ELAPOR2: variants seen among roughly 807,000 people sequenced by gnomAD.
ELAPOR2 encodes endosome/lysosome-associated apoptosis and autophagy regulator family member 2.
A neutral mutation model predicts 120.7 loss-of-function variants in ELAPOR2; 89 were observed. The observed-to-expected ratio is 0.74, with a 90% confidence interval of 0.62 to 0.88. The LOEUF is 0.88. Among genes scored for constraint, ELAPOR2 ranks in the 40% least tolerant of loss-of-function variants. ELAPOR2 has a pLI of 0.00. For missense variants in ELAPOR2, 1,134 were observed against 1,251.6 expected (o/e 0.91, Z 1.42); for synonymous variants, 444 against 444.9 (o/e 1.00, Z 0.03).
In ELAPOR2 at chr7:86,908,494, C is replaced by G; in HGVS notation, c.2409G>C (p.Met803Ile). 6.3e-7 allele frequency: 1 copy of G among 1,585,908 alleles called. No individual in the cohort carries two copies. Among genetic ancestry groups the G allele is most frequent in the Non-Finnish European group, 8.6e-7 (1 of 1,165,566 alleles). The change falls in exon 17 of 22, where the codon ATG becomes ATC. Residue 803 changes from methionine to isoleucine, a missense_variant. Around this residue, in one of 3 missense-constraint regions of ELAPOR2, gnomAD observed 831 missense variants for 867.6 expected, o/e 0.96. Coordinates refer to ENST00000450689, the MANE Select transcript of ELAPOR2 (RefSeq NM_001142749.3). The part of the protein sequence containing the change: ...TLKNINIKED[M>I]FPVPTSQIPD... Reference sequence around the variant, plus strand: ...GTATTTGGCTTGTTGGAACTGGGAACATATCTTCTTTTATATTAATATTTT... The same window carrying G: ...GTATTTGGCTTGTTGGAACTGGGAAGATATCTTCTTTTATATTAATATTTT...
intron 3 of ELAPOR2, among the ~76,000 whole-genome samples, chr7:86,945,838 T>C (rs1790976766): frequency 6.6e-6 from 1 of 152,042 alleles, no homozygotes; most frequent in African/African-American, 2.4e-5. Context: ...AACTTCTGCT[T>C]ATCAAAGGAC....
chr7:86,912,058 C>G lies in ELAPOR2; in HGVS notation c.2169+14G>C. 1 of 1,592,396 alleles carries G rather than the reference C, an allele frequency of 6.3e-7. No homozygotes were observed. On this transcript the variant is annotated intron_variant, in intron 15 of 21. Coordinates refer to ENST00000450689, the MANE Select transcript of ELAPOR2 (RefSeq NM_001142749.3). ...GAAATATAGGTCCATCTCACCTTGACAGCCAGAACTCACCTCATGCCCACA... is the reference window on the plus strand; with the variant it reads ...GAAATATAGGTCCATCTCACCTTGAGAGCCAGAACTCACCTCATGCCCACA...
At chr7:87,009,960 A>C (rs910307772) in intron 1 of ELAPOR2, among the ~76,000 whole-genome samples, 4 of 151,082 alleles carry the variant, frequency 2.6e-5, no homozygotes, top group African/African-American at 9.8e-5. Flanking sequence ...ACTACCTTTG[A>C]AGGTCTTTCC....
intron 3 of ELAPOR2, among the ~76,000 whole-genome samples, chr7:86,946,157 T>TCACACACACACA (rs1491424238): frequency 1.5e-3 from 164 of 110,602 alleles, no homozygotes; most frequent in African/African-American, 6.5e-3. Flanking sequence ...GGATACCATT[T>TCACACACACACA]CTCACACACA....
At chr7:87,017,383 G>A (rs907113053) in intron 1 of ELAPOR2, among the ~76,000 whole-genome samples, 4 of 152,148 alleles carry the variant, frequency 2.6e-5, no homozygotes, top group East Asian at 3.8e-4. Context: ...CCACACAGTG[G>A]AATTCTGTAC....
intron 1 of ELAPOR2, among the ~76,000 whole-genome samples, chr7:87,053,634 A>G (rs1795180477): frequency 6.6e-6 from 1 of 152,124 alleles, no homozygotes; most frequent in Non-Finnish European, 1.5e-5. Flanking sequence ...GTGCGTGCAA[A>G]ACACTTGTGG....
At chr7:86,905,709 T>C (rs551847813) in intron 18 of ELAPOR2, among the ~76,000 whole-genome samples, 146 of 152,304 alleles carry the variant, frequency 9.6e-4, no homozygotes, top group African/African-American at 3.4e-3. Flanking sequence ...CAGAATTGCC[T>C]TGTGGTTTTT....
At chr7:86,964,251 AC>A (rs2116479358) in intron 2 of ELAPOR2, among the ~76,000 whole-genome samples, 2 of 105,678 alleles carry the variant, frequency 1.9e-5, no homozygotes, top group African/African-American at 1.8e-4. Context: ...CACTAAATTA[AC>A]TAAATTAACG....
chr7:86,939,763 C>G (rs1348888181), intron 6 of ELAPOR2, among the ~76,000 whole-genome samples: 2 of 151,936 alleles, frequency 1.3e-5, no homozygotes, highest in East Asian at 3.9e-4. Flanking sequence ...TTACAGACAT[C>G]TAAAATTGTC....
Position 86,913,133 on chromosome 7 carries a change from C to G in ELAPOR2, c.1803G>C (p.Ala601=). The G allele has an allele frequency of 1.9e-6, 3 of 1,613,968 alleles. No individual in the cohort carries two copies. Among genetic ancestry groups the G allele is most frequent in the Non-Finnish European group, 2.5e-6 (3 of 1,179,980 alleles). ...CGAGGGCACAGGCACGGCATGAGGA[C>G]GCCACCCCATCAACTGCATTAGTGG... ...ITATNAVDGV[A]SSCRACALGS... is the part of the protein sequence containing the mutation. Residue 601 remains alanine (A), a synonymous_variant, in exon 14 of 22, where the codon GCG becomes GCC. Transcript: ENST00000450689.
At chr7:86,998,838 TA>T (rs1793213128) in intron 1 of ELAPOR2, among the ~76,000 whole-genome samples, 1 of 143,280 alleles carries the variant, frequency 7.0e-6, no homozygotes, top group Non-Finnish European at 1.5e-5. Flanking sequence ...TAGAATTCCA[TA>T]AATAGTTCCT....
intron 2 of ELAPOR2, among the ~76,000 whole-genome samples, chr7:86,964,417 TA>T (rs1156432468): frequency 6.6e-6 from 1 of 151,994 alleles, no homozygotes; most frequent in Non-Finnish European, 1.5e-5. Context: ...TAGGTTATAC[TA>T]AAAAAAATTA....
At chr7:86,996,920 T>C (rs1191389278) in intron 1 of ELAPOR2, among the ~76,000 whole-genome samples, 1 of 152,182 alleles carries the variant, frequency 6.6e-6, no homozygotes, top group African/African-American at 2.4e-5. Context: ...GAAGTTTTGA[T>C]TGACTAAATC....
chr7:86,913,197 C>G lies in ELAPOR2; in HGVS notation c.1739G>C (p.Arg580Pro). Residue 580 changes from arginine to proline, a missense_variant, in exon 14 of 22, where the codon CGG (arginine) becomes CCG (proline). This residue lies in a region of ELAPOR2 where 831 missense variants were observed against 867.6 expected (regional missense o/e 0.96). Coordinates refer to ENST00000450689, the MANE Select transcript of ELAPOR2 (RefSeq NM_001142749.3). The part of the protein sequence containing the change: ...QRTNQGQDNR[R>P]FINDMVKIYS... Reference sequence around the variant, plus strand: ...AATCTTCACCATGTCATTGATGAACCGTCTATTCTAAAAAAAAGAGCATAA... The same window carrying G: ...AATCTTCACCATGTCATTGATGAACGGTCTATTCTAAAAAAAAGAGCATAA... 3 of 1,612,596 alleles carry G rather than the reference C, an allele frequency of 1.9e-6. No individual in the cohort carries two copies. The highest frequency in any genetic ancestry group is 2.5e-6 in the Non-Finnish European group (3 of 1,178,928).
chr7:86,990,608 G>T (rs1440357945), intron 1 of ELAPOR2, among the ~76,000 whole-genome samples: 1 of 152,134 alleles, frequency 6.6e-6, no homozygotes, highest in Non-Finnish European at 1.5e-5. Flanking sequence ...AATGATCCTT[G>T]TAAATCTTAG....
chr7:86,959,524 A>G (rs1463947387), intron 2 of ELAPOR2, among the ~76,000 whole-genome samples: 2 of 152,194 alleles, frequency 1.3e-5, no homozygotes, highest in Non-Finnish European at 2.9e-5. Context: ...AAGAGTTTGT[A>G]TCATAAAAGA....
chr7:86,939,060 G>T, intron 6 of ELAPOR2, 100 bp from the exon 7 acceptor site: 1 of 1,303,986 alleles, frequency 7.7e-7, no homozygotes, highest in Non-Finnish European at 1.1e-6. Flanking sequence ...GGAGATATAT[G>T]AACAGTAAGG....
intron 1 of ELAPOR2, among the ~76,000 whole-genome samples, chr7:87,020,229 A>G (rs1425298391): frequency 2.0e-5 from 3 of 152,170 alleles, no homozygotes; most frequent in African/African-American, 7.2e-5. Flanking sequence ...AGCAAAACAT[A>G]AATTTGAAGT....
chr7:87,051,789 A>C (rs568080735), intron 1 of ELAPOR2, among the ~76,000 whole-genome samples: 16 of 152,334 alleles, frequency 1.1e-4, no homozygotes, highest in African/African-American at 3.1e-4. Flanking sequence ...AAGAAGGCTA[A>C]CCATACTCTC....
Sources: gnomAD v4.1 joint callset for allele counts (sites outside exome capture counted in the v4.1 genomes callset) on GRCh38, gnomAD v4.1.1 for gene constraint, gnomAD v4.1.1 regional missense constraint, MANE v1.5 for transcripts, NCBI Gene and HGNC (gene_info 2026-07-23, HGNC 2026-07-21) for gene names.